Variants in LRP1B observed in about 807,000 individuals in gnomAD.
The protein encoded by LRP1B is LDL receptor related protein 1B.
Under a neutral mutation model 556.6 loss-of-function variants are expected in LRP1B, and 217 were observed. The ratio of observed to expected loss-of-function variants is 0.39; its 90% confidence interval spans 0.35 to 0.44. LRP1B has a LOEUF of 0.44. Among genes scored for constraint, LRP1B ranks in the 20% least tolerant of loss-of-function variants. LRP1B has a pLI of 1.00. For missense variants in LRP1B, 5,053 were observed against 5,620.8 expected (o/e 0.90, Z 3.23); for synonymous variants, 2,047 against 1,865.8 (o/e 1.10, Z -2.50).
chr2:140,389,501 TAAAC>T (rs962659017), intron 66 of LRP1B, among the ~76,000 whole-genome samples: 1 of 150,678 alleles, frequency 6.6e-6, no homozygotes, highest in Non-Finnish European at 1.5e-5. Context: ...ATGTTAGCAA[TAAAC>T]AAAAATGAAA....
At chr2:141,948,004 A>T (rs1050996028) in intron 1 of LRP1B, among the ~76,000 whole-genome samples, 25 of 152,068 alleles carry the variant, frequency 1.6e-4, no homozygotes, top group African/African-American at 6.0e-4. Flanking sequence ...TTTATAAAAA[A>T]GTATGATGAT....
At chr2:140,582,019 T>C (rs1429389287) in intron 43 of LRP1B, among the ~76,000 whole-genome samples, 1 of 152,146 alleles carries the variant, frequency 6.6e-6, no homozygotes, top group Non-Finnish European at 1.5e-5. Flanking sequence ...GCCAAAATTA[T>C]GAAGATTCTC....
At chr2:141,135,340 G>C (rs966121796) in intron 7 of LRP1B, among the ~76,000 whole-genome samples, 1 of 151,824 alleles carries the variant, frequency 6.6e-6, no homozygotes, top group African/African-American at 2.4e-5. Context: ...TTTCCTTCTG[G>C]CATCTGAAAT....
At chr2:141,872,458 A>G (rs969991248) in intron 1 of LRP1B, among the ~76,000 whole-genome samples, 11 of 151,996 alleles carry the variant, frequency 7.2e-5, no homozygotes, top group African/African-American at 2.4e-4. Flanking sequence ...GAGAGCAAAA[A>G]GCATATGAAA....
At chr2:141,350,700 C>T (rs58460131) in intron 3 of LRP1B, among the ~76,000 whole-genome samples, 3,089 of 152,114 alleles carry the variant, frequency 0.02, 126 homozygotes, top group African/African-American at 0.069. Flanking sequence ...AAAGTTTAGC[C>T]AGCTTGAAAA....
chr2:141,542,724 C>G (rs1685304485), intron 2 of LRP1B, among the ~76,000 whole-genome samples: 1 of 152,108 alleles, frequency 6.6e-6, no homozygotes, highest in South Asian at 2.1e-4. Flanking sequence ...AGAACATTTT[C>G]AAACTCTGCT....
At chr2:141,281,726 A>G (rs911163602) in intron 3 of LRP1B, among the ~76,000 whole-genome samples, 1 of 152,024 alleles carries the variant, frequency 6.6e-6, no homozygotes, top group Non-Finnish European at 1.5e-5. Context: ...ATATTAAACA[A>G]ACTGAGAGGT....
chr2:142,079,317 T>C (rs1277048917), intron 1 of LRP1B, among the ~76,000 whole-genome samples: 2 of 152,158 alleles, frequency 1.3e-5, no homozygotes, highest in Non-Finnish European at 2.9e-5. Context: ...TTTTTCTCAA[T>C]AGCCTTATGT....
chr2:141,133,779 T>A (rs930134344), intron 7 of LRP1B, among the ~76,000 whole-genome samples: 4 of 152,036 alleles, frequency 2.6e-5, no homozygotes, highest in Admixed American at 1.3e-4. Context: ...GGTTAAAGAA[T>A]GGATAGATGA....
intron 35 of LRP1B, among the ~76,000 whole-genome samples, chr2:140,734,494 G>T (rs1160486457): frequency 6.6e-6 from 1 of 152,110 alleles, no homozygotes; most frequent in South Asian, 2.1e-4. Context: ...GAGAATTTAG[G>T]ATTTTATTCA....
At position 140,767,645 on chromosome 2, in the gene LRP1B, A is replaced by C. The variant is rs142271226; in HGVS notation, c.5758+1568T>G. Among the ~76,000 whole-genome samples, 12 of 151,240 alleles carry C rather than the reference A, an allele frequency of 7.9e-5. No individual in the cohort carries two copies. The East Asian group carries it at 2.1e-3, about 27-fold the overall frequency. ...TTGCTTATATTATTTTATTTTTTTT[A>C]ATTATTATTTTTTTTATTATACTTT... On this transcript the variant is annotated intron_variant, in intron 35 of 90. Coordinates refer to ENST00000389484, the MANE Select transcript of LRP1B (RefSeq NM_018557.3).
intron 2 of LRP1B, among the ~76,000 whole-genome samples, chr2:141,615,815 T>A (rs755271629): frequency 4.4e-4 from 67 of 152,182 alleles, no homozygotes; most frequent in Non-Finnish European, 9.3e-4. Context: ...GGTCTTAGCA[T>A]TTATTCCTAG....
At chr2:140,408,199 G>A (rs1295557099) in intron 66 of LRP1B, among the ~76,000 whole-genome samples, 1 of 151,824 alleles carries the variant, frequency 6.6e-6, no homozygotes, top group East Asian at 1.9e-4. Flanking sequence ...AGTGGGGTGA[G>A]GGATAAAAGG....
chr2:140,766,322 T>C (rs1198558786), intron 35 of LRP1B, among the ~76,000 whole-genome samples: 4 of 151,996 alleles, frequency 2.6e-5, no homozygotes, highest in African/African-American at 9.7e-5. Flanking sequence ...CTCCAAGAAG[T>C]AACAGAGCTT....
At chr2:141,304,839 A>G (rs1686527302) in intron 3 of LRP1B, among the ~76,000 whole-genome samples, 1 of 152,070 alleles carries the variant, frequency 6.6e-6, no homozygotes, top group Non-Finnish European at 1.5e-5. Context: ...CAGTTTTCCC[A>G]GCACTATTTA....
intron 41 of LRP1B, among the ~76,000 whole-genome samples, chr2:140,619,141 C>A (rs866891654): frequency 6.6e-6 from 1 of 151,360 alleles, no homozygotes; most frequent in African/African-American, 2.4e-5. Context: ...GAGATGACTG[C>A]TGTTTCTGTC....
chr2:141,856,846 T>G (rs1698068244), intron 1 of LRP1B, among the ~76,000 whole-genome samples: 1 of 152,228 alleles, frequency 6.6e-6, no homozygotes, highest in South Asian at 2.1e-4. Flanking sequence ...AACTTGGCAT[T>G]TTATTCAAGT....
chr2:141,601,117 T>C (rs1413460858), intron 2 of LRP1B, among the ~76,000 whole-genome samples: 1 of 152,182 alleles, frequency 6.6e-6, no homozygotes, highest in Non-Finnish European at 1.5e-5. Context: ...GGCTCAACAT[T>C]GATCAGCTTC....
intron 2 of LRP1B, among the ~76,000 whole-genome samples, chr2:141,688,215 C>T (rs1328350335): frequency 6.6e-6 from 1 of 151,792 alleles, no homozygotes; most frequent in Non-Finnish European, 1.5e-5. Flanking sequence ...TACACACACA[C>T]ACACACACCC....
Sources: allele counts gnomAD v4.1 joint callset (sites outside exome capture counted in the v4.1 genomes callset), GRCh38; gene constraint gnomAD v4.1.1; transcripts MANE v1.5; gene names NCBI Gene and HGNC (gene_info 2026-07-23, HGNC 2026-07-21).